The following ERC2 variants were observed in gnomAD, a reference collection of about 807,000 sequenced individuals.
ERC2 encodes ERC protein 2.
In ERC2, 42 loss-of-function variants were observed where a neutral mutation model predicts 114.8. That is an observed-to-expected ratio of 0.37 (90% CI 0.29 to 0.47). The LOEUF (loss-of-function observed/expected upper bound fraction) is 0.47. ERC2 is among the 20% of genes least tolerant of loss of function. The pLI, the probability that ERC2 is intolerant of heterozygous loss-of-function variation, is 0.99. For synonymous variants in ERC2, 454 were observed against 425.5 expected, an observed-to-expected ratio of 1.07 and a Z score of -0.82; for missense variants, 939 against 1,150.7, an observed-to-expected ratio of 0.82 and a Z score of 2.66.
At chr3:56,040,611 A>AATATATAGATGTATACGTATATATAC (rs2075105902) in intron 7 of ERC2, among the ~76,000 whole-genome samples, 1 of 33,108 alleles carries the variant, frequency 3.0e-5, no homozygotes, top group South Asian at 1.4e-3. Context: ...ATGTATATAT[A>AATATATAGATGTATACGTATATATAC]ATATATAGAT....
intron 7 of ERC2, among the ~76,000 whole-genome samples, chr3:56,056,621 A>C (rs532016325): frequency 6.6e-6 from 1 of 152,306 alleles, no homozygotes; most frequent in East Asian, 1.9e-4. Context: ...CATAGGTGTC[A>C]ATCTTTAAGA....
chr3:55,623,023 T>C (rs2148602574), intron 17 of ERC2, among the ~76,000 whole-genome samples: 1 of 152,324 alleles, frequency 6.6e-6, no homozygotes, highest in East Asian at 1.9e-4. Flanking sequence ...ACCAATGAGC[T>C]TTATCAGCTG....
chr3:55,749,915 C>T (rs1020264128), intron 14 of ERC2, among the ~76,000 whole-genome samples: 1 of 152,156 alleles, frequency 6.6e-6, no homozygotes, highest in African/African-American at 2.4e-5. Flanking sequence ...ACGAACCCAC[C>T]AGCAGGAGCC....
chr3:56,243,410 G>A (rs1306011821), intron 3 of ERC2, among the ~76,000 whole-genome samples: 1 of 152,206 alleles, frequency 6.6e-6, no homozygotes, highest in Admixed American at 6.5e-5. Flanking sequence ...AAGATCCGCT[G>A]AATTATTCCA....
At chr3:56,285,985 C>G (rs80098095) in intron 3 of ERC2, among the ~76,000 whole-genome samples, 1 of 152,196 alleles carries the variant, frequency 6.6e-6, no homozygotes, top group Non-Finnish European at 1.5e-5. Context: ...TCTTTGTTCA[C>G]AGTCCCTTTG....
intron 13 of ERC2, among the ~76,000 whole-genome samples, chr3:55,921,480 T>C (rs1371716212): frequency 1.3e-5 from 2 of 152,078 alleles, no homozygotes; most frequent in African/African-American, 4.8e-5. Flanking sequence ...GCTTCTCTAC[T>C]GGGAATTCTC....
chr3:55,809,044 T>C (rs2059614897), intron 14 of ERC2, among the ~76,000 whole-genome samples: 2 of 151,904 alleles, frequency 1.3e-5, no homozygotes, highest in South Asian at 4.2e-4. Context: ...GTGCAGTCTT[T>C]TTAAAAAAAT....
intron 2 of ERC2, among the ~76,000 whole-genome samples, chr3:56,357,325 G>A (rs2058782749): frequency 6.6e-6 from 1 of 152,166 alleles, no homozygotes; most frequent in Admixed American, 6.5e-5. Flanking sequence ...CAAGGCAGAG[G>A]CCATTAATTT....
At chr3:55,779,936 T>C (rs1253896157) in intron 14 of ERC2, among the ~76,000 whole-genome samples, 1 of 152,148 alleles carries the variant, frequency 6.6e-6, no homozygotes, top group Non-Finnish European at 1.5e-5. Context: ...TAAATATACC[T>C]TAGTTTGAGA....
intron 14 of ERC2, among the ~76,000 whole-genome samples, chr3:55,823,993 T>G (rs995315647): frequency 6.6e-5 from 10 of 152,220 alleles, no homozygotes; most frequent in Non-Finnish European, 1.5e-4. Context: ...GGCTTGCAGA[T>G]GGCCACCTTC....
intron 1 of ERC2, among the ~76,000 whole-genome samples, chr3:56,447,979 G>C (rs1038822948): frequency 1.3e-5 from 2 of 152,066 alleles, no homozygotes; most frequent in Admixed American, 1.3e-4. Flanking sequence ...CTGACCTCAA[G>C]TGATCCACCC....
At chr3:56,233,449 C>A (rs1044810833) in intron 3 of ERC2, among the ~76,000 whole-genome samples, 17 of 151,988 alleles carry the variant, frequency 1.1e-4, no homozygotes, top group African/African-American at 4.1e-4. Context: ...GGTGAAACCC[C>A]ATCTCTACTA....
chr3:55,938,706 C>A (rs2066600162), intron 13 of ERC2, among the ~76,000 whole-genome samples: 1 of 152,064 alleles, frequency 6.6e-6, no homozygotes, highest in Admixed American at 6.6e-5. Context: ...AAAGTACAAC[C>A]AAAATAAAAA....
At chr3:55,870,693 C>T (rs1575946041) in intron 14 of ERC2, among the ~76,000 whole-genome samples, 1 of 152,124 alleles carries the variant, frequency 6.6e-6, no homozygotes. Flanking sequence ...TACTAAGAGA[C>T]CCATTCCCAG....
At chr3:56,440,455 G>A (rs1368324542) in intron 1 of ERC2, among the ~76,000 whole-genome samples, 19 of 151,922 alleles carry the variant, frequency 1.3e-4, no homozygotes, top group Admixed American at 1.2e-3. Context: ...GGCTGAGGCA[G>A]GAGAATGGCA....
intron 2 of ERC2, among the ~76,000 whole-genome samples, chr3:56,414,499 G>A (rs1164346101): frequency 6.6e-6 from 1 of 152,100 alleles, no homozygotes; most frequent in African/African-American, 2.4e-5. Context: ...GAGGTAGGTG[G>A]ATCACGAGGT....
chr3:56,443,330 A>G (rs912755373), intron 1 of ERC2, among the ~76,000 whole-genome samples: 11 of 152,212 alleles, frequency 7.2e-5, no homozygotes, highest in Non-Finnish European at 1.0e-4. Flanking sequence ...ACCACTGTAC[A>G]TCTGCTTCTT....
At chr3:55,768,079 T>A (rs1338542373) in intron 14 of ERC2, among the ~76,000 whole-genome samples, 1 of 152,222 alleles carries the variant, frequency 6.6e-6, no homozygotes, top group Non-Finnish European at 1.5e-5. Context: ...CCATGTAAGA[T>A]GTGCCTACTT....
chr3:56,012,230 C>A (rs1415464486), intron 8 of ERC2, among the ~76,000 whole-genome samples: 1 of 152,200 alleles, frequency 6.6e-6, no homozygotes. Context: ...CTTTTGCCCA[C>A]ACTACAACCA....
Sources: gnomAD v4.1 joint callset for allele counts (sites outside exome capture counted in the v4.1 genomes callset) on GRCh38, gnomAD v4.1.1 for gene constraint, MANE v1.5 for transcripts, NCBI Gene and HGNC (gene_info 2026-07-23, HGNC 2026-07-21) for gene names.